Variants in MINDY4B observed in about 807,000 individuals in gnomAD.
The protein encoded by MINDY4B is inactive ubiquitin carboxyl-terminal hydrolase MINDY-4B.
Under a neutral mutation model 16.7 loss-of-function variants are expected in MINDY4B, and 25 were observed. That is an observed-to-expected ratio of 1.49 (90% confidence interval 1.09 to 2.09). MINDY4B has a LOEUF of 2.09. Ranked by LOEUF, MINDY4B falls within the 30% of genes most tolerant of loss-of-function variation. The probability of loss-of-function intolerance (pLI) is 0.00; values close to 1 mark genes in which losing one functional copy is unlikely to be tolerated. For missense variants in MINDY4B, 327 were observed against 168.4 expected (o/e 1.94, Z -5.21); for synonymous variants, 132 against 61.9 (o/e 2.13, Z -5.32).
chr3:150,893,714 G>A (rs1370546289), intron 4 of MINDY4B, among the ~76,000 whole-genome samples: 2 of 138,870 alleles, frequency 1.4e-5, no homozygotes, highest in Non-Finnish European at 3.1e-5. Flanking sequence ...GGGGTGGGGT[G>A]CAGTCTTGCT....
At chr3:150,873,133 C>A in intron 11 of MINDY4B, 54 bp downstream of exon 11, 1 of 651,980 alleles carries the variant, frequency 1.5e-6, no homozygotes, top group South Asian at 1.7e-5. Context: ...CATTGGCAAC[C>A]GCATCTCTTT....
intron 3 of MINDY4B, among the ~76,000 whole-genome samples, chr3:150,899,394 G>A (rs1712056762): frequency 6.6e-6 from 1 of 152,128 alleles, no homozygotes; most frequent in Admixed American, 6.5e-5. Flanking sequence ...CTCGGTGTGG[G>A]GACACCACAA....
chr3:150,900,029 G>C (rs1387012117), intron 3 of MINDY4B, among the ~76,000 whole-genome samples: 1 of 152,212 alleles, frequency 6.6e-6, no homozygotes, highest in African/African-American at 2.4e-5. Context: ...AAAAGGGCCT[G>C]GGAGTGGGAG....
intron 4 of MINDY4B, 21 bp from the exon 5 acceptor site, chr3:150,893,436 G>C: frequency 1.4e-6 from 1 of 702,460 alleles, no homozygotes; most frequent in Non-Finnish European, 2.6e-6. Flanking sequence ...GAGAATGAAT[G>C]ACGAGGTGAA....
Position 150,894,291 on chromosome 3 carries a change from G to T in MINDY4B, c.324C>A (p.Ile108=). 1.4e-6 allele frequency: 1 copy of T among 695,232 alleles called. No homozygotes were observed. Among genetic ancestry groups the T allele is most frequent in the Non-Finnish European group, 2.6e-6 (1 of 383,062 alleles). The allele number at this position is 695,232 out of a possible 1,614,324, so 43.1% of individuals were successfully genotyped here. Residue 108 remains isoleucine, a synonymous_variant, in exon 4 of 12, where the codon ATC becomes ATA. Transcript: ENST00000465419. ...SLAMATKLRQ[I]LFGNTVHVFS... is the part of the protein sequence containing the mutation. Reference sequence around the variant, plus strand: ...AGACATGGACTGTGTTTCCAAACAGGATCTGCCGCAGCTTCTGAAAAGAGG... The same window carrying T: ...AGACATGGACTGTGTTTCCAAACAGTATCTGCCGCAGCTTCTGAAAAGAGG...
intron 10 of MINDY4B, among the ~76,000 whole-genome samples, chr3:150,874,318 T>C (rs912459679): frequency 2.0e-5 from 3 of 152,158 alleles, no homozygotes; most frequent in East Asian, 1.9e-4. Context: ...TGAATTCTTA[T>C]AGCTAGTGAA....
At chr3:150,892,368 C>T (rs898491542) in intron 5 of MINDY4B, among the ~76,000 whole-genome samples, 1 of 152,224 alleles carries the variant, frequency 6.6e-6, no homozygotes, top group Non-Finnish European at 1.5e-5. Flanking sequence ...TGAGGGCACT[C>T]CCTTAATAAA....
chr3:150,893,198 G>A (rs374747840), intron 5 of MINDY4B, 126 bp downstream of exon 5: 2 of 651,410 alleles, frequency 3.1e-6, no homozygotes, highest in South Asian at 1.7e-5. Flanking sequence ...GGGACAGACA[G>A]GGCCATTTCT....
intron 10 of MINDY4B, 62 bp from the exon 11 acceptor site, chr3:150,873,429 G>A (rs1197561694): frequency 1.9e-5 from 13 of 669,918 alleles, no homozygotes; most frequent in East Asian, 2.7e-5. Flanking sequence ...GACACATGCC[G>A]ATACATGATC....
chr3:150,901,375 C>G (rs1712111220), intron 3 of MINDY4B: 1 of 152,196 alleles, frequency 6.6e-6, no homozygotes, highest in Admixed American at 6.5e-5. Context: ...AAGGCTCCAT[C>G]CAGAGGCTTG....
chr3:150,878,666 C>A (rs1711500620), intron 10 of MINDY4B, among the ~76,000 whole-genome samples: 1 of 152,216 alleles, frequency 6.6e-6, no homozygotes, highest in African/African-American at 2.4e-5. Context: ...CTAGCCTGGG[C>A]AGTTTCCATC....
At chr3:150,889,549 G>A (rs1439924237) in intron 7 of MINDY4B, among the ~76,000 whole-genome samples, 2 of 152,162 alleles carry the variant, frequency 1.3e-5, no homozygotes, top group East Asian at 1.9e-4. Context: ...TACAAGTTCC[G>A]GGTATAGAGT....
chr3:150,874,208 G>A (rs369051582), intron 10 of MINDY4B, among the ~76,000 whole-genome samples: 1 of 151,962 alleles, frequency 6.6e-6, no homozygotes, highest in Non-Finnish European at 1.5e-5. Flanking sequence ...TAGAGACAGC[G>A]TCTTGCCATG....
At chr3:150,878,530 C>A (rs764429887) in intron 10 of MINDY4B, among the ~76,000 whole-genome samples, 1 of 152,088 alleles carries the variant, frequency 6.6e-6, no homozygotes, top group South Asian at 2.1e-4. Context: ...TCACTGAGGG[C>A]AGAATTCATA....
intron 10 of MINDY4B, among the ~76,000 whole-genome samples, chr3:150,874,141 G>T (rs1483465526): frequency 6.6e-6 from 1 of 151,210 alleles, no homozygotes; most frequent in Admixed American, 6.6e-5. Context: ...TCAGCCCCTG[G>T]ATTAGCTGGG....
At position 150,894,170 on chromosome 3, in the gene MINDY4B, A is replaced by G; in HGVS notation, c.429+16T>C. The G allele has an allele frequency of 3.0e-6, 2 of 677,056 alleles. No homozygotes were observed. Among genetic ancestry groups the G allele is most frequent in the South Asian group, 1.6e-5 (1 of 62,614 alleles). The allele number at this position is 677,056 out of a possible 1,614,324, so 41.9% of individuals were successfully genotyped here. ...ATGGGAATAAGGTTTTTTAAAAATT[A>G]TAAACTGGCTATTACCTTTCCCACT... is the stretch of plus-strand genomic sequence containing the variant. On this transcript the variant is annotated intron_variant, in intron 4 of 11. Coordinates refer to ENST00000465419, the MANE Select transcript of MINDY4B (RefSeq NM_001351281.2).
In MINDY4B at chr3:150,885,444, C is replaced by T. The variant is rs755593834; in HGVS notation, c.754-6G>A. The T allele has an allele frequency of 3.1e-5, 20 of 643,408 alleles. No individual in the cohort carries two copies. The highest frequency in any genetic ancestry group is 9.3e-5 in the South Asian group (6 of 64,782). 39.9% of individuals were successfully genotyped at this position (643,408 alleles called of 1,614,324 possible). On this transcript the variant is annotated splice_region_variant and splice_polypyrimidine_tract_variant and intron_variant, in intron 7 of 11. Coordinates refer to ENST00000465419, the MANE Select transcript of MINDY4B (RefSeq NM_001351281.2). ...TGGCTTCCTTCCCCTCTGAACTGTTCGGAAAAGAAAAGAAAAGCATGTTGG... is the reference window on the plus strand; with the variant it reads ...TGGCTTCCTTCCCCTCTGAACTGTTTGGAAAAGAAAAGAAAAGCATGTTGG...
intron 10 of MINDY4B, among the ~76,000 whole-genome samples, chr3:150,882,405 G>GT (rs956958061): frequency 5.9e-5 from 9 of 151,558 alleles, no homozygotes; most frequent in South Asian, 2.1e-4. Flanking sequence ...TTTTCCAGTG[G>GT]TTTTTTTTAA....
chr3:150,893,706 G>T lies in MINDY4B; in HGVS notation c.430-291C>A, dbSNP rs1466938049. Among the ~76,000 whole-genome samples, 4 of 35,200 alleles carry T rather than the reference G, an allele frequency of 1.1e-4. No individual in the cohort carries two copies. In the South Asian group the frequency reaches 7.4e-3, roughly 65 times the overall value. The allele number at this position is 35,200 out of a possible 152,430, so 23.1% of individuals were successfully genotyped here. On this transcript the variant is annotated intron_variant, in intron 4 of 11. Transcript: ENST00000465419. ...ATAGTAGTTTTTTTTTGGGGGGGGG[G>T]GTGGGGTGCAGTCTTGCTCTGTCTC...
Sources: allele counts gnomAD v4.1 joint callset (sites outside exome capture counted in the v4.1 genomes callset), GRCh38; gene constraint gnomAD v4.1.1; transcripts MANE v1.5; gene names NCBI Gene and HGNC (gene_info 2026-07-23, HGNC 2026-07-21).